Variants in NDUFAF7 observed in about 807,000 individuals in gnomAD.
NDUFAF7 encodes the protein protein arginine methyltransferase NDUFAF7, mitochondrial.
NDUFAF7 carries 48 observed loss-of-function variants against 47.2 expected under a neutral mutation model. The ratio of observed to expected loss-of-function variants is 1.02; its 90% confidence interval spans 0.81 to 1.29. The LOEUF (loss-of-function observed/expected upper bound fraction) is 1.29, where lower values mean the gene tolerates loss of function less well. NDUFAF7 is among the 50% of genes most tolerant of loss of function. The probability of loss-of-function intolerance (pLI) is 0.00; values close to 1 mark genes in which losing one functional copy is unlikely to be tolerated. For missense variants in NDUFAF7, 635 were observed against 537.6 expected (o/e 1.18, Z -1.79); for synonymous variants, 217 against 190.0 (o/e 1.14, Z -1.17).
chr2:37,241,519 T>C (rs1666326735), intron 4 of NDUFAF7, 59 bp from the exon 5 acceptor site: 1 of 1,341,370 alleles, frequency 7.5e-7, no homozygotes, highest in African/African-American at 1.5e-5. Context: ...ATGTAAATGA[T>C]TAGGAAACTT....
downstream of NDUFAF7, chr2:37,254,182 G>A: frequency 6.4e-7 from 1 of 1,560,364 alleles, no homozygotes. Flanking sequence ...GATTGCCAAA[G>A]AGAGATTACA....
the NDUFAF7 span, among the ~76,000 whole-genome samples, chr2:37,267,258 C>T: frequency 6.6e-6 from 1 of 150,868 alleles, no homozygotes; most frequent in African/African-American, 2.4e-5. Context: ...ATTTTACTCA[C>T]GAAAATGTGT....
the NDUFAF7 span, chr2:37,267,800 C>T: frequency 1.9e-5 from 7 of 368,130 alleles, no homozygotes; most frequent in South Asian, 2.3e-4. Context: ...AGTAATCTAC[C>T]TTGTTAAATC....
chr2:37,238,683 C>T (rs1294928582), intron 4 of NDUFAF7, among the ~76,000 whole-genome samples: 1 of 151,634 alleles, frequency 6.6e-6, no homozygotes, highest in African/African-American at 2.4e-5. Flanking sequence ...TACAAATAAA[C>T]TAGCAGCTTT....
downstream of NDUFAF7, chr2:37,252,416 A>G (rs1667569709): frequency 6.6e-6 from 1 of 152,192 alleles, no homozygotes; most frequent in African/African-American, 2.4e-5. Flanking sequence ...ACAACTCAGC[A>G]CTTAGACCAG....
chr2:37,245,014 C>T (rs1326957013), intron 7 of NDUFAF7, among the ~76,000 whole-genome samples: 1 of 152,204 alleles, frequency 6.6e-6, no homozygotes. Context: ...TCAGCATGAT[C>T]AGCGTGTCCA....
At chr2:37,261,722 G>T in the NDUFAF7 span, among the ~76,000 whole-genome samples, 429 of 152,336 alleles carry the variant, frequency 2.8e-3, 2 homozygotes, top group African/African-American at 9.9e-3. Flanking sequence ...AGAGGTTGCG[G>T]TGAGCTGAGA....
At chr2:37,236,780 CAAA>C (rs557865044) in intron 3 of NDUFAF7, among the ~76,000 whole-genome samples, 1 of 97,036 alleles carries the variant, frequency 1.0e-5, no homozygotes, top group African/African-American at 3.9e-5. Context: ...AACTCCGTCT[CAAA>C]AAAAAAAAAA....
At chr2:37,250,941 T>C (rs1156505268), downstream of NDUFAF7, 2 of 152,674 alleles carry the variant, frequency 1.3e-5, no homozygotes, top group Non-Finnish European at 2.9e-5. Flanking sequence ...ACAGTGCCTT[T>C]ACAAAATTTT....
Position 37,232,090 on chromosome 2 carries a change from T to C in NDUFAF7, c.56-16T>C, listed in dbSNP as rs754967979. On this transcript the variant is annotated splice_polypyrimidine_tract_variant and intron_variant, in intron 1 of 9. Coordinates refer to ENST00000002125, the MANE Select transcript of NDUFAF7 (RefSeq NM_144736.5). ...CAGATTTATCATGGGGTCTGTTTAA[T>C]TTGTGTTTTTCGCAGCCATTCCTTT... 6 of 1,614,236 alleles carry C rather than the reference T, an allele frequency of 3.7e-6. No homozygotes were observed. The highest frequency in any genetic ancestry group is 5.1e-6 in the Non-Finnish European group (6 of 1,180,038).
chr2:37,259,223 C>A, the NDUFAF7 span, among the ~76,000 whole-genome samples: 1 of 152,144 alleles, frequency 6.6e-6, no homozygotes, highest in Non-Finnish European at 1.5e-5. Context: ...CCTGCCTCAA[C>A]CAAAATCTAT....
chr2:37,236,071 T>C (rs1240787073), intron 2 of NDUFAF7, 25 bp from the exon 3 acceptor site: 3 of 1,567,492 alleles, frequency 1.9e-6, no homozygotes, highest in Non-Finnish European at 2.6e-6. Flanking sequence ...TTAATTTTGT[T>C]TCTCTATTTT....
chr2:37,231,719 T>G lies in NDUFAF7; in HGVS notation c.14T>G (p.Leu5Arg), dbSNP rs141773676. Residue 5 changes from leucine to arginine, a missense_variant, in exon 1 of 10, where the codon CTG (leucine) becomes CGG (arginine). Physicochemically the swap from Leu to Arg is moderately radical, Grantham distance 102. Transcript: ENST00000002125. Reference protein sequence around the residue: MSVLLRSGLGPLCAV... With the variant: MSVLRRSGLGPLCAV... ...GCGAATTTCAGCATGAGTGTACTGC[T>G]GAGGTCAGGTTTGGGGCCGTTGTGT... The G allele has an allele frequency of 1.9e-6, 3 of 1,614,090 alleles. No individual in the cohort carries two copies. The highest frequency in any genetic ancestry group is 2.5e-6 in the Non-Finnish European group (3 of 1,180,036).
At chr2:37,270,114 C>T in the NDUFAF7 span, among the ~76,000 whole-genome samples, 1 of 151,964 alleles carries the variant, frequency 6.6e-6, no homozygotes, top group South Asian at 2.1e-4. Flanking sequence ...GTAATCCTAG[C>T]TACTCGGGAG....
intron 2 of NDUFAF7, among the ~76,000 whole-genome samples, chr2:37,234,177 C>T (rs1270163653): frequency 6.6e-6 from 1 of 152,186 alleles, no homozygotes; most frequent in South Asian, 2.1e-4. Flanking sequence ...GCAACCTCCA[C>T]CTTCAAGGTT....
downstream of NDUFAF7, chr2:37,254,351 A>T (rs941808832): frequency 1.5e-6 from 2 of 1,315,840 alleles, no homozygotes; most frequent in African/African-American, 2.9e-5. Context: ...CAAACTTGTG[A>T]CTGCCTAGAA....
chr2:37,232,727 T>C (rs1665299237), intron 2 of NDUFAF7, among the ~76,000 whole-genome samples: 1 of 152,184 alleles, frequency 6.6e-6, no homozygotes, highest in Non-Finnish European at 1.5e-5. Flanking sequence ...TGGCTTCAGC[T>C]GGCATTGGAG....
At chr2:37,240,529 C>T (rs940812515) in intron 4 of NDUFAF7, among the ~76,000 whole-genome samples, 1 of 151,696 alleles carries the variant, frequency 6.6e-6, no homozygotes, top group African/African-American at 2.4e-5. Flanking sequence ...AAACATATGA[C>T]AAATAAGAAT....
At chr2:37,263,133 C>G in the NDUFAF7 span, among the ~76,000 whole-genome samples, 1 of 151,872 alleles carries the variant, frequency 6.6e-6, no homozygotes, top group South Asian at 2.1e-4. Flanking sequence ...ATTCTTAATT[C>G]ACTTATTTTC....
Sources: gnomAD v4.1 joint callset for allele counts (sites outside exome capture counted in the v4.1 genomes callset) on GRCh38, gnomAD v4.1.1 for gene constraint, MANE v1.5 for transcripts, NCBI Gene and HGNC (gene_info 2026-07-23, HGNC 2026-07-21) for gene names.